Variants in PDZRN4 observed in about 807,000 individuals in gnomAD.
PDZRN4 encodes PDZ domain-containing RING finger protein 4.
Under a neutral mutation model 99.0 loss-of-function variants are expected in PDZRN4, and 70 were observed. The ratio of observed to expected loss-of-function variants is 0.71; its 90% confidence interval spans 0.58 to 0.86. The LOEUF (loss-of-function observed/expected upper bound fraction) is 0.86, where lower values mean the gene tolerates loss of function less well. Ranked by LOEUF, PDZRN4 falls within the 40% of genes least tolerant of loss-of-function variation. The pLI is 0.00. For synonymous variants in PDZRN4, 551 were observed against 501.6 expected, an observed-to-expected ratio of 1.10 and a Z score of -1.32; for missense variants, 1,474 against 1,331.2, an observed-to-expected ratio of 1.11 and a Z score of -1.67.
chr12:41,292,945 C>A (rs1380553021), intron 3 of PDZRN4, among the ~76,000 whole-genome samples: 1 of 151,572 alleles, frequency 6.6e-6, no homozygotes, highest in Non-Finnish European at 1.5e-5. Context: ...TCTTAGGAGG[C>A]TCTTTTCTGA....
At chr12:41,189,264 G>A (rs1202156274) in intron 1 of PDZRN4, among the ~76,000 whole-genome samples, 161 bp downstream of exon 1, 1 of 152,090 alleles carries the variant, frequency 6.6e-6, no homozygotes, top group Non-Finnish European at 1.5e-5. Context: ...ATTATCTTAC[G>A]AATGGATTGG....
At chr12:41,497,197 A>G (rs1305047030) in intron 3 of PDZRN4, among the ~76,000 whole-genome samples, 1 of 152,106 alleles carries the variant, frequency 6.6e-6, no homozygotes, top group Non-Finnish European at 1.5e-5. Context: ...CTCTTGTTCA[A>G]TGGATATGAA....
intron 3 of PDZRN4, among the ~76,000 whole-genome samples, chr12:41,296,390 A>G (rs1022490888): frequency 2.0e-5 from 3 of 152,188 alleles, no homozygotes; most frequent in Non-Finnish European, 4.4e-5. Context: ...GGGGCTGCTC[A>G]AGGCATTTGG....
chr12:41,351,943 G>A (rs886991391), intron 3 of PDZRN4, among the ~76,000 whole-genome samples: 2 of 145,320 alleles, frequency 1.4e-5, no homozygotes, highest in Non-Finnish European at 3.0e-5. Flanking sequence ...TCAGGAGTGT[G>A]AGATCAGTCT....
intron 3 of PDZRN4, among the ~76,000 whole-genome samples, chr12:41,255,414 T>G (rs943651445): frequency 2.0e-5 from 3 of 148,044 alleles, no homozygotes; most frequent in African/African-American, 2.4e-5. Flanking sequence ...GAAAGTTTTG[T>G]TTTTTTTGTT....
At chr12:41,421,041 A>G (rs905240860) in intron 3 of PDZRN4, among the ~76,000 whole-genome samples, 3 of 152,108 alleles carry the variant, frequency 2.0e-5, no homozygotes, top group African/African-American at 4.8e-5. Context: ...ATTTCCTCCT[A>G]TCACTTGCCA....
intron 3 of PDZRN4, among the ~76,000 whole-genome samples, chr12:41,304,918 G>A (rs1462598906): frequency 6.6e-6 from 1 of 152,182 alleles, no homozygotes; most frequent in African/African-American, 2.4e-5. Context: ...CATACTACAT[G>A]GTTGGGTCTT....
chr12:41,506,632 C>T lies in PDZRN4; in HGVS notation c.1020C>T (p.Phe340=), dbSNP rs752187669. 16 of 1,613,810 alleles carry T rather than the reference C, an allele frequency of 9.9e-6. No homozygotes were observed. Among genetic ancestry groups the T allele is most frequent in the African/African-American group, 5.3e-5 (4 of 74,912 alleles). The change falls in exon 4 of 10, where the codon TTC becomes TTT. Residue 340 remains phenylalanine (F), a synonymous_variant. Coordinates refer to ENST00000402685, the MANE Select transcript of PDZRN4 (RefSeq NM_001164595.2). The part of the protein sequence containing the change: ...MNASTQTDIT[F]EHIMALAKLR... Reference sequence around the variant, plus strand: ...CCAGCACTCAGACGGACATCACCTTCGAACACATCATGGCTCTGGCCAAGC... The same window carrying T: ...CCAGCACTCAGACGGACATCACCTTTGAACACATCATGGCTCTGGCCAAGC...
At chr12:41,377,349 A>G (rs1952089632) in intron 3 of PDZRN4, among the ~76,000 whole-genome samples, 1 of 152,122 alleles carries the variant, frequency 6.6e-6, no homozygotes, top group African/African-American at 2.4e-5. Context: ...AATTCTTTTG[A>G]TCCATGAATA....
chr12:41,214,694 CT>C (rs988646666), intron 3 of PDZRN4, among the ~76,000 whole-genome samples: 4 of 151,736 alleles, frequency 2.6e-5, no homozygotes, highest in African/African-American at 4.8e-5. Context: ...TTATAAATGA[CT>C]TTTTTTTCAC....
At chr12:41,248,541 G>C (rs1951147962) in intron 3 of PDZRN4, among the ~76,000 whole-genome samples, 1 of 152,140 alleles carries the variant, frequency 6.6e-6, no homozygotes, top group Non-Finnish European at 1.5e-5. Flanking sequence ...CTCCTACTCA[G>C]GAAAGCCAGT....
chr12:41,528,165 G>T (rs1445252124), intron 5 of PDZRN4, among the ~76,000 whole-genome samples: 1 of 151,744 alleles, frequency 6.6e-6, no homozygotes, highest in African/African-American at 2.4e-5. Flanking sequence ...GAGGAATAAG[G>T]AGCCGTTTTT....
chr12:41,194,701 G>A (rs576693412), intron 3 of PDZRN4, among the ~76,000 whole-genome samples: 85 of 152,302 alleles, frequency 5.6e-4, no homozygotes, highest in Admixed American at 9.8e-4. Flanking sequence ...ATATTGTGAT[G>A]AAAGAATAAA....
chr12:41,220,921 C>T (rs1472783895), intron 3 of PDZRN4, among the ~76,000 whole-genome samples: 1 of 152,186 alleles, frequency 6.6e-6, no homozygotes, highest in East Asian at 1.9e-4. Context: ...CATACACTGC[C>T]TATAACCCAG....
intron 3 of PDZRN4, among the ~76,000 whole-genome samples, chr12:41,310,135 G>A (rs1347404721): frequency 6.6e-6 from 1 of 152,028 alleles, no homozygotes; most frequent in African/African-American, 2.4e-5. Context: ...GTTTTGCCTT[G>A]TTAGCCAGGC....
chr12:41,300,655 C>T (rs1328626822), intron 3 of PDZRN4, among the ~76,000 whole-genome samples: 1 of 151,812 alleles, frequency 6.6e-6, no homozygotes, highest in Non-Finnish European at 1.5e-5. Context: ...GAAATAAAAA[C>T]CTCAAGTGTT....
At position 41,382,173 on chromosome 12, in the gene PDZRN4, G is replaced by A. The variant is rs767018398; in HGVS notation, c.844-124283G>A. On this transcript the variant is annotated intron_variant, in intron 3 of 9. Coordinates refer to ENST00000402685, the MANE Select transcript of PDZRN4 (RefSeq NM_001164595.2). Reference sequence around the variant, plus strand: ...GCTTCAGAATGGGTTCCATTATCACGCCAAGCTAGCTGGGGCCCCAGGATG... The same window carrying A: ...GCTTCAGAATGGGTTCCATTATCACACCAAGCTAGCTGGGGCCCCAGGATG... Among the ~76,000 whole-genome samples the A allele has an allele frequency of 7.2e-5, 11 of 152,120 alleles. No individual in the cohort carries two copies. In the East Asian group the frequency reaches 9.6e-4, roughly 13 times the overall value.
At chr12:41,404,795 G>A (rs1314220718) in intron 3 of PDZRN4, among the ~76,000 whole-genome samples, 3 of 150,480 alleles carry the variant, frequency 2.0e-5, no homozygotes, top group Admixed American at 2.0e-4. Flanking sequence ...ATAGACAAAT[G>A]GAACAGAACA....
intron 3 of PDZRN4, among the ~76,000 whole-genome samples, chr12:41,218,669 A>C (rs1196700798): frequency 6.6e-6 from 1 of 152,142 alleles, no homozygotes; most frequent in African/African-American, 2.4e-5. Flanking sequence ...AATAATATAA[A>C]ACGAACTGTT....
Sources: gnomAD v4.1 joint callset for allele counts (sites outside exome capture counted in the v4.1 genomes callset) on GRCh38, gnomAD v4.1.1 for gene constraint, MANE v1.5 for transcripts, NCBI Gene and HGNC (gene_info 2026-07-23, HGNC 2026-07-21) for gene names.